PARP8: variants seen among roughly 807,000 people sequenced by gnomAD.
The protein encoded by PARP8 is poly(ADP-ribose) polymerase family member 8, also known as protein mono-ADP-ribosyltransferase PARP8.
A neutral mutation model predicts 124.1 loss-of-function variants in PARP8; 51 were observed. The ratio of observed to expected loss-of-function variants is 0.41; its 90% confidence interval spans 0.33 to 0.52. The LOEUF is 0.52. Ranked by LOEUF, PARP8 falls within the 20% of genes least tolerant of loss-of-function variation. The pLI, the probability that PARP8 is intolerant of heterozygous loss-of-function variation, is 0.21. For missense variants in PARP8, 860 were observed against 1,018.9 expected, an observed-to-expected ratio of 0.84 and a Z score of 2.12; for synonymous variants, 391 against 361.5, an observed-to-expected ratio of 1.08 and a Z score of -0.93.
At chr5:50,748,707 G>C (rs1473594622) in intron 2 of PARP8, among the ~76,000 whole-genome samples, 1 of 152,042 alleles carries the variant, frequency 6.6e-6, no homozygotes, top group African/African-American at 2.4e-5. Flanking sequence ...TCTTATCACT[G>C]TTTCCTTGTG....
chr5:50,680,175 C>G (rs1323160548), intron 2 of PARP8, among the ~76,000 whole-genome samples: 1 of 152,208 alleles, frequency 6.6e-6, no homozygotes, highest in African/African-American at 2.4e-5. Context: ...CATTGCTAGG[C>G]TGTCCACTCT....
chr5:50,833,892 T>A, intron 23 of PARP8, 87 bp from the exon 24 acceptor site: 3 of 1,029,122 alleles, frequency 2.9e-6, no homozygotes, highest in Non-Finnish European at 4.5e-6. Flanking sequence ...GGAGCCATCT[T>A]AGTGACTATT....
chr5:50,838,490 A>G (rs2149729544), intron 25 of PARP8, among the ~76,000 whole-genome samples: 1 of 152,222 alleles, frequency 6.6e-6, no homozygotes, highest in East Asian at 1.9e-4. Context: ...GAAATTGAAG[A>G]TAAGCCAAAA....
chr5:50,826,620 T>C, intron 18 of PARP8, 135 bp from the exon 19 acceptor site: 1 of 1,114,708 alleles, frequency 9.0e-7, no homozygotes, highest in Non-Finnish European at 1.2e-6. Flanking sequence ...ACCTAAATTA[T>C]GCGACTAAAT....
At chr5:50,741,814 C>CT (rs558645653) in intron 2 of PARP8, 22,356 of 375,692 alleles carry the variant, frequency 0.06, 8 homozygotes, top group South Asian at 0.084. Flanking sequence ...TTCTTTTCTT[C>CT]TTTTTTTTTT....
At chr5:50,834,170 C>G in intron 24 of PARP8, 122 bp downstream of exon 24, 1 of 786,490 alleles carries the variant, frequency 1.3e-6, no homozygotes, top group Non-Finnish European at 2.0e-6. Context: ...TTATGATCAT[C>G]TCAAAGGGCA....
At chr5:50,800,791 C>G (rs1743121020) in intron 14 of PARP8, among the ~76,000 whole-genome samples, 2 of 146,366 alleles carry the variant, frequency 1.4e-5, no homozygotes, top group Non-Finnish European at 3.0e-5. Context: ...GGGTCTTACT[C>G]TGTCACTCAT....
intron 7 of PARP8, among the ~76,000 whole-genome samples, chr5:50,770,953 A>G (rs1376573998): frequency 6.6e-6 from 1 of 152,076 alleles, no homozygotes; most frequent in Admixed American, 6.5e-5. Context: ...ATTAATGTTT[A>G]TCATGTAGTA....
At chr5:50,681,510 A>G (rs1751288463) in intron 2 of PARP8, among the ~76,000 whole-genome samples, 1 of 152,106 alleles carries the variant, frequency 6.6e-6, no homozygotes, top group Non-Finnish European at 1.5e-5. Context: ...TGATATCTGT[A>G]GCAGCAAGTT....
intron 4 of PARP8, 115 bp from the exon 5 acceptor site, chr5:50,760,177 C>A: frequency 2.1e-6 from 2 of 938,644 alleles, no homozygotes; most frequent in Non-Finnish European, 1.5e-6. Context: ...TCCCTTAATT[C>A]TTTTTCAGAG....
chr5:50,790,283 A>C (rs1741800374), intron 10 of PARP8, among the ~76,000 whole-genome samples: 1 of 152,130 alleles, frequency 6.6e-6, no homozygotes, highest in African/African-American at 2.4e-5. Context: ...AAATTTTCTC[A>C]GTTTTCCATT....
chr5:50,788,623 G>A, intron 10 of PARP8, 34 bp downstream of exon 10: 6 of 1,545,700 alleles, frequency 3.9e-6, no homozygotes, highest in Non-Finnish European at 5.3e-6. Flanking sequence ...ATAAATTTCT[G>A]CTAAAGAGAA....
Position 50,795,200 on chromosome 5 carries a change from A to G in PARP8, c.1211A>G (p.His404Arg), listed in dbSNP as rs142021272. The G allele has an allele frequency of 9.9e-6, 16 of 1,614,206 alleles. No individual in the cohort carries two copies. The African/African-American group carries it at 1.2e-4, about 12-fold the overall frequency. Residue 404 changes from histidine to arginine, a missense_variant, in exon 12 of 26, where the codon CAT (histidine) becomes CGT (arginine). Transcript: ENST00000281631. ...GAGCACAACACAAACTTGAAGCCCC[A>G]TAAACTGTTAAGCAGGTCTTACTCT... is the stretch of plus-strand genomic sequence containing the variant. ...RCEHNTNLKP[H>R]KLLSRSYSSN...
chr5:50,809,259 A>G (rs1443961744), intron 14 of PARP8, among the ~76,000 whole-genome samples: 1 of 151,994 alleles, frequency 6.6e-6, no homozygotes, highest in Non-Finnish European at 1.5e-5. Flanking sequence ...TGACTATAAA[A>G]CTGTAAATAC....
intron 15 of PARP8, among the ~76,000 whole-genome samples, chr5:50,819,599 T>C (rs1163692002): frequency 6.6e-6 from 1 of 151,698 alleles, no homozygotes; most frequent in East Asian, 1.9e-4. Flanking sequence ...TGCCACCATG[T>C]CCAGCTAATT....
intron 8 of PARP8, 107 bp downstream of exon 8, chr5:50,778,236 A>G (rs1290268443): frequency 2.4e-6 from 2 of 831,704 alleles, no homozygotes; most frequent in African/African-American, 3.5e-5. Flanking sequence ...TATTAGTTAC[A>G]TATTGACTGT....
At chr5:50,698,665 GAGAT>G in intron 2 of PARP8, among the ~76,000 whole-genome samples, 1 of 152,268 alleles carries the variant, frequency 6.6e-6, no homozygotes, top group East Asian at 1.9e-4. Flanking sequence ...TTATCCTGAT[GAGAT>G]AGTACCTTTA....
intron 2 of PARP8, among the ~76,000 whole-genome samples, chr5:50,705,546 A>G (rs1754046630): frequency 6.6e-6 from 1 of 152,208 alleles, no homozygotes; most frequent in African/African-American, 2.4e-5. Flanking sequence ...CCACTTTGGG[A>G]GGCCAAGGCA....
chr5:50,707,992 T>G (rs1754340294), intron 2 of PARP8, among the ~76,000 whole-genome samples: 1 of 152,124 alleles, frequency 6.6e-6, no homozygotes, highest in Non-Finnish European at 1.5e-5. Flanking sequence ...AATCAGCATA[T>G]TACAATGACT....
Sources: allele counts gnomAD v4.1 joint callset (sites outside exome capture counted in the v4.1 genomes callset), GRCh38; gene constraint gnomAD v4.1.1; transcripts MANE v1.5; gene names NCBI Gene and HGNC (gene_info 2026-07-23, HGNC 2026-07-21).